RFX4: variants seen among roughly 807,000 people sequenced by gnomAD.
RFX4 encodes regulatory factor X4, also known as transcription factor RFX4.
Under a neutral mutation model 95.0 loss-of-function variants are expected in RFX4, and 10 were observed. The observed-to-expected ratio is 0.11, with a 90% CI of 0.06 to 0.18. RFX4 has a LOEUF of 0.18. RFX4 is among the 10% of genes least tolerant of loss of function. The pLI is 1.00. For missense variants in RFX4, 640 were observed against 922.0 expected, an observed-to-expected ratio of 0.69 and a Z score of 3.96; for synonymous variants, 321 against 340.7, an observed-to-expected ratio of 0.94 and a Z score of 0.64.
At chr12:106,676,842 G>C (rs912018723) in intron 4 of RFX4, among the ~76,000 whole-genome samples, 7 of 152,158 alleles carry the variant, frequency 4.6e-5, no homozygotes, top group African/African-American at 1.7e-4. Context: ...TGTAAATGTA[G>C]GAATATGACA....
intron 8 of RFX4, 126 bp downstream of exon 8, chr12:106,696,572 C>A: frequency 3.4e-6 from 3 of 878,700 alleles, no homozygotes; most frequent in Non-Finnish European, 3.2e-6. Flanking sequence ...TAATATTGAA[C>A]TTTTAAATAT....
chr12:106,754,636 C>T (rs2043076387), intron 17 of RFX4, among the ~76,000 whole-genome samples: 1 of 152,192 alleles, frequency 6.6e-6, no homozygotes, highest in Non-Finnish European at 1.5e-5. Flanking sequence ...TCCTCAAGGC[C>T]TATGAGGTCC....
chr12:106,590,132 T>A (rs938276979), intron 1 of RFX4, among the ~76,000 whole-genome samples: 10 of 152,224 alleles, frequency 6.6e-5, no homozygotes, highest in Non-Finnish European at 1.2e-4. Flanking sequence ...AGACAGAGCA[T>A]GGTGATGGGG....
Position 106,732,951 on chromosome 12 carries a change from C to G in RFX4, c.1499C>G (p.Thr500Arg), listed in dbSNP as rs767242211. The G allele has an allele frequency of 6.2e-7, 1 of 1,614,138 alleles. No individual in the cohort carries two copies. The highest frequency in any genetic ancestry group is 1.1e-5 in the South Asian group (1 of 91,068). ...TAEVREEIIL[T>R]EAAAPTPSPV... ...GAAGTCCGAGAAGAGATCATCTTGACAGAGGCTGCCGCACCAACCCCTTCA... is the reference window on the plus strand; with the variant it reads ...GAAGTCCGAGAAGAGATCATCTTGAGAGAGGCTGCCGCACCAACCCCTTCA... Residue 500 changes from threonine (T) to arginine (R), a missense_variant, in exon 15 of 18, where the codon ACA becomes AGA. Physicochemically the swap from Thr to Arg is moderately conservative, Grantham distance 71. Coordinates refer to ENST00000392842, the MANE Select transcript of RFX4 (RefSeq NM_213594.3).
At chr12:106,760,271 G>A (rs1181664137) in intron 17 of RFX4, among the ~76,000 whole-genome samples, 1 of 152,140 alleles carries the variant, frequency 6.6e-6, no homozygotes, top group African/African-American at 2.4e-5. Context: ...TGCAGACTGG[G>A]AGCTTTCAAA....
At position 106,583,320 on chromosome 12, in the gene RFX4, C is replaced by T. The variant is rs767838045; in HGVS notation, c.-1C>T. 6.3e-7 allele frequency: 1 copy of T among 1,588,444 alleles called. No individual in the cohort carries two copies. Among genetic ancestry groups the T allele is most frequent in the Non-Finnish European group, 8.5e-7 (1 of 1,171,234 alleles). ...GCGCCTGTGCTGTCCATGGGAAGAG[C>T]ATGCATTGTGGGTTACTGGAGGAAC... On this transcript the variant is annotated 5_prime_UTR_variant, in exon 1 of 18. Transcript: ENST00000392842.
chr12:106,586,320 C>A lies in RFX4; in HGVS notation c.43+2957C>A, dbSNP rs536313961. Among the ~76,000 whole-genome samples, 31 of 152,250 alleles carry A rather than the reference C, an allele frequency of 2.0e-4. No homozygotes were observed. The highest frequency in any genetic ancestry group is 7.5e-4 in the African/African-American group (31 of 41,568). On this transcript the variant is annotated intron_variant, in intron 1 of 17. Transcript: ENST00000392842. The surrounding 1 kb of genome is among the most constrained non-coding windows in gnomAD (Gnocchi z 5.6). ...CTGAGCCCCGCGTGGCCTGCGCTCC[C>A]CACGCGGGCCACCGGCAGCTACGTG...
At chr12:106,732,857 T>C (rs2042638843) in intron 14 of RFX4, 67 bp from the exon 15 acceptor site, 6 of 1,480,206 alleles carry the variant, frequency 4.1e-6, no homozygotes, top group African/African-American at 1.4e-5. Context: ...ATTTCACTTT[T>C]TAAAGTCTTT....
intron 15 of RFX4, among the ~76,000 whole-genome samples, chr12:106,739,151 GA>G (rs1330421419): frequency 6.6e-6 from 1 of 151,474 alleles, no homozygotes; most frequent in African/African-American, 2.4e-5. Flanking sequence ...AAGAAAGAAA[GA>G]AAAGGTGAGG....
At position 106,732,219 on chromosome 12, in the gene RFX4, A is replaced by C; in HGVS notation, c.1441A>C (p.Met481Leu). The change falls in exon 14 of 18, where the codon ATG becomes CTG. Residue 481 changes from methionine (M) to leucine (L), a missense_variant. Physicochemically the swap from Met to Leu is conservative, Grantham distance 15. Transcript: ENST00000392842. ...CTGTCAGGAGCGGGCCAATGAGCTC[A>C]TGCGAGCCATGAAGGGAGAAGGAAG... ...LHCQERANEL[M>L]RAMKGEGSTA... 1.9e-6 allele frequency: 3 copies of C among 1,613,960 alleles called. No homozygotes were observed. The highest frequency in any genetic ancestry group is 2.2e-5 in the South Asian group (2 of 91,076).
intron 1 of RFX4, among the ~76,000 whole-genome samples, chr12:106,588,379 G>C (rs2039493620): frequency 6.6e-6 from 1 of 152,170 alleles, no homozygotes; most frequent in African/African-American, 2.4e-5. Context: ...ACACTGAAAT[G>C]CTTCTAGATA....
intron 15 of RFX4, 78 bp downstream of exon 15, chr12:106,733,163 G>A: frequency 6.8e-7 from 1 of 1,471,306 alleles, no homozygotes; most frequent in Non-Finnish European, 9.5e-7. Context: ...GCAACATAGT[G>A]AGACTTCATT....
chr12:106,758,972 T>A (rs527932555), intron 17 of RFX4, among the ~76,000 whole-genome samples: 1 of 152,346 alleles, frequency 6.6e-6, no homozygotes, highest in South Asian at 2.1e-4. Context: ...ATTTGCCAAC[T>A]ATTATTTAGC....
chr12:106,600,382 A>AC (rs1310762531), intron 1 of RFX4, among the ~76,000 whole-genome samples: 2 of 147,990 alleles, frequency 1.4e-5, no homozygotes, highest in Admixed American at 6.7e-5. Flanking sequence ...ATTAGACCCA[A>AC]CCCCCCTTTT....
At chr12:106,704,667 A>G (rs1049998140) in intron 8 of RFX4, among the ~76,000 whole-genome samples, 1 of 152,206 alleles carries the variant, frequency 6.6e-6, no homozygotes, top group African/African-American at 2.4e-5. Flanking sequence ...AGACACTATG[A>G]TAGAGATAAC....
At chr12:106,622,525 C>T (rs946076187) in intron 2 of RFX4, among the ~76,000 whole-genome samples, 8 of 151,978 alleles carry the variant, frequency 5.3e-5, no homozygotes, top group Non-Finnish European at 1.2e-4. Flanking sequence ...AAAGAGGTGG[C>T]TTATGATTAT....
At chr12:106,759,021 C>T (rs2043162736) in intron 17 of RFX4, among the ~76,000 whole-genome samples, 1 of 152,078 alleles carries the variant, frequency 6.6e-6, no homozygotes, top group Non-Finnish European at 1.5e-5. Context: ...ATGTTGGGAA[C>T]ATGGTGTTGA....
At chr12:106,609,425 C>G (rs2039909760) in intron 2 of RFX4, among the ~76,000 whole-genome samples, 1 of 152,200 alleles carries the variant, frequency 6.6e-6, no homozygotes, top group Non-Finnish European at 1.5e-5. Context: ...GAGCAGTAGG[C>G]TACATGGGAC....
intron 2 of RFX4, among the ~76,000 whole-genome samples, chr12:106,611,500 G>C (rs1488005113): frequency 1.3e-5 from 2 of 150,878 alleles, no homozygotes; most frequent in East Asian, 3.9e-4. Context: ...TATTAGGTAA[G>C]AGTCCAGCTT....
Sources: allele counts gnomAD v4.1 joint callset (sites outside exome capture counted in the v4.1 genomes callset), GRCh38; gene constraint gnomAD v4.1.1; non-coding constraint Gnocchi (gnomAD v3.1); transcripts MANE v1.5; gene names NCBI Gene and HGNC (gene_info 2026-07-23, HGNC 2026-07-21).